The following OXR1 variants were observed in gnomAD, a reference collection of about 807,000 sequenced individuals.
OXR1 encodes the protein oxidation resistance protein 1.
In OXR1, 41 loss-of-function variants were observed where a neutral mutation model predicts 104.6. The observed-to-expected ratio is 0.39, with a 90% CI of 0.31 to 0.51. The LOEUF is 0.51. Among genes scored for constraint, OXR1 ranks in the 20% least tolerant of loss-of-function variants. OXR1 has a pLI of 0.77. For missense variants in OXR1, 955 were observed against 1,031.9 expected (o/e 0.93, Z 1.02); for synonymous variants, 348 against 348.4 (o/e 1.00, Z 0.01).
intron 3 of OXR1, among the ~76,000 whole-genome samples, chr8:106,661,515 T>C (rs538469631): frequency 6.6e-6 from 1 of 152,324 alleles, no homozygotes; most frequent in South Asian, 2.1e-4. Context: ...ACTTTAAATA[T>C]AGCTCTTGTT....
intron 16 of OXR1, among the ~76,000 whole-genome samples, chr8:106,748,427 G>T (rs188179789): frequency 6.6e-6 from 1 of 151,886 alleles, no homozygotes; most frequent in Non-Finnish European, 1.5e-5. Flanking sequence ...GTCATCACTG[G>T]TTATCCCATT....
At chr8:106,486,038 A>G (rs1044465987) in intron 2 of OXR1, among the ~76,000 whole-genome samples, 9 of 152,014 alleles carry the variant, frequency 5.9e-5, no homozygotes, top group African/African-American at 2.2e-4. Context: ...AGTTCAAGAG[A>G]TCTATTGTAC....
chr8:106,697,488 C>A (rs1286762131), intron 7 of OXR1: 3 of 1,607,624 alleles, frequency 1.9e-6, no homozygotes, highest in East Asian at 2.2e-5. Flanking sequence ...CCATCTGTAG[C>A]CCGATCACGT....
At chr8:106,716,130 A>T (rs1051334760) in intron 11 of OXR1, among the ~76,000 whole-genome samples, 5 of 152,214 alleles carry the variant, frequency 3.3e-5, no homozygotes, top group African/African-American at 4.8e-5. Context: ...CTACTTTTTC[A>T]ACTGTAAATT....
intron 3 of OXR1, among the ~76,000 whole-genome samples, chr8:106,565,903 G>A (rs1817036699): frequency 6.6e-6 from 1 of 152,050 alleles, no homozygotes; most frequent in Admixed American, 6.5e-5. Context: ...AATAATGTTG[G>A]GAAAACTGAC....
At chr8:106,641,446 C>T (rs147988790) in intron 3 of OXR1, among the ~76,000 whole-genome samples, 10 of 152,186 alleles carry the variant, frequency 6.6e-5, no homozygotes, top group African/African-American at 1.4e-4. Flanking sequence ...TACTAAAGTA[C>T]GAGTGTTAAA....
chr8:106,428,250 C>T (rs775433656), intron 2 of OXR1, among the ~76,000 whole-genome samples: 31 of 152,134 alleles, frequency 2.0e-4, no homozygotes, highest in Non-Finnish European at 3.4e-4. Context: ...TGACTTTCAT[C>T]CTCACGGTCA....
intron 3 of OXR1, among the ~76,000 whole-genome samples, chr8:106,585,345 A>G (rs1475344849): frequency 6.6e-6 from 1 of 152,110 alleles, no homozygotes; most frequent in African/African-American, 2.4e-5. Context: ...CTTACACCCT[A>G]GTGCATCCCA....
At chr8:106,729,929 T>C (rs1159327197) in intron 11 of OXR1, 1 of 152,180 alleles carries the variant, frequency 6.6e-6, no homozygotes, top group South Asian at 2.1e-4. Context: ...ACATCTGTGA[T>C]GTACCACTAC....
intron 1 of OXR1, among the ~76,000 whole-genome samples, chr8:106,328,409 G>C (rs1169940276): frequency 1.3e-5 from 2 of 152,200 alleles, no homozygotes; most frequent in Admixed American, 6.5e-5. Context: ...TCACAATAAA[G>C]GGAAAGATTA....
At chr8:106,294,491 G>C (rs1812905414) in intron 1 of OXR1, among the ~76,000 whole-genome samples, 1 of 151,696 alleles carries the variant, frequency 6.6e-6, no homozygotes, top group South Asian at 2.1e-4. Context: ...AGACTTTATA[G>C]GAAGCATGGT....
chr8:106,625,911 A>G (rs1822110943), intron 3 of OXR1, among the ~76,000 whole-genome samples: 1 of 152,006 alleles, frequency 6.6e-6, no homozygotes. Context: ...TTTCAGTTAT[A>G]TTTAATACAT....
At chr8:106,742,505 A>G (rs1438178513) in intron 15 of OXR1, 188 bp downstream of exon 15, 1 of 485,294 alleles carries the variant, frequency 2.1e-6, no homozygotes, top group East Asian at 3.6e-5. Flanking sequence ...TGCTAAGCAT[A>G]AAGAACAAAG....
chr8:106,294,523 G>C (rs147839619), intron 1 of OXR1, among the ~76,000 whole-genome samples: 91 of 152,160 alleles, frequency 6.0e-4, no homozygotes, highest in Non-Finnish European at 1.0e-3. Flanking sequence ...CTCAGCTTCT[G>C]GGGAGGACTC....
intron 1 of OXR1, among the ~76,000 whole-genome samples, chr8:106,313,297 A>T (rs1377906260): frequency 6.6e-6 from 1 of 152,190 alleles, no homozygotes; most frequent in Non-Finnish European, 1.5e-5. Context: ...GGATTTTAAA[A>T]ATTCTCTAAA....
At chr8:106,487,963 G>C (rs1165839029) in intron 2 of OXR1, among the ~76,000 whole-genome samples, 1 of 149,826 alleles carries the variant, frequency 6.7e-6, no homozygotes, top group African/African-American at 2.5e-5. Context: ...GGGTCAAATG[G>C]TATTTCCAGT....
At chr8:106,707,179 C>A (rs1420284180) in intron 9 of OXR1, 34 bp downstream of exon 9, 4 of 1,591,298 alleles carry the variant, frequency 2.5e-6, no homozygotes, top group Non-Finnish European at 3.4e-6. Context: ...GTTAGTTCAT[C>A]CAATTGTATG....
intron 3 of OXR1, among the ~76,000 whole-genome samples, chr8:106,537,407 G>GT (rs1563589425): frequency 1.3e-5 from 2 of 152,110 alleles, no homozygotes; most frequent in African/African-American, 4.8e-5. Flanking sequence ...GCAAAATGCC[G>GT]TAAGAGTTTA....
At chr8:106,463,250 A>G (rs1052657824) in intron 2 of OXR1, among the ~76,000 whole-genome samples, 1 of 152,108 alleles carries the variant, frequency 6.6e-6, no homozygotes, top group Non-Finnish European at 1.5e-5. Flanking sequence ...TTCAACTACA[A>G]TAGTATTCTA....
Sources: allele counts gnomAD v4.1 joint callset (sites outside exome capture counted in the v4.1 genomes callset), GRCh38; gene constraint gnomAD v4.1.1; transcripts MANE v1.5; gene names NCBI Gene and HGNC (gene_info 2026-07-23, HGNC 2026-07-21).